The following IMMP2L variants were observed in gnomAD, a reference collection of about 807,000 sequenced individuals.
The protein encoded by IMMP2L is inner mitochondrial membrane peptidase subunit 2, also known as mitochondrial inner membrane protease subunit 2.
IMMP2L carries 18 observed loss-of-function variants against 19.3 expected under a neutral mutation model. The observed-to-expected ratio is 0.93, with a 90% confidence interval of 0.64 to 1.38. The LOEUF (loss-of-function observed/expected upper bound fraction) is 1.38. IMMP2L is among the 40% of genes most tolerant of loss of function. The pLI is 0.00. For synonymous variants in IMMP2L, 76 were observed against 73.0 expected (o/e 1.04, Z -0.21); for missense variants, 233 against 218.2 (o/e 1.07, Z -0.43).
At chr7:111,238,872 T>C (rs1288121763) in intron 3 of IMMP2L, among the ~76,000 whole-genome samples, 1 of 151,962 alleles carries the variant, frequency 6.6e-6, no homozygotes, top group African/African-American at 2.4e-5. Context: ...CATTATATCC[T>C]CTGAACCCTA....
chr7:110,878,675 T>C (rs1296612728), intron 5 of IMMP2L, among the ~76,000 whole-genome samples: 2 of 152,082 alleles, frequency 1.3e-5, no homozygotes, highest in Non-Finnish European at 2.9e-5. Context: ...AACATAGTGA[T>C]TGCTGAAATG....
chr7:110,738,448 C>T (rs757978655), intron 5 of IMMP2L, among the ~76,000 whole-genome samples: 4 of 152,106 alleles, frequency 2.6e-5, no homozygotes, highest in Non-Finnish European at 5.9e-5. Flanking sequence ...TCTCATCCAT[C>T]AAACAAGCAG....
chr7:111,340,181 C>T (rs1826871220), intron 3 of IMMP2L, among the ~76,000 whole-genome samples: 2 of 151,876 alleles, frequency 1.3e-5, no homozygotes, highest in South Asian at 4.1e-4. Flanking sequence ...ATACACAGTG[C>T]AAAAAGAATC....
chr7:110,736,536 G>A (rs529963013), intron 5 of IMMP2L, among the ~76,000 whole-genome samples: 2 of 152,288 alleles, frequency 1.3e-5, no homozygotes, highest in South Asian at 2.1e-4. Context: ...GCAAAGCTAG[G>A]GGGCAGGACT....
intron 4 of IMMP2L, among the ~76,000 whole-genome samples, chr7:110,940,075 T>C (rs568508447): frequency 6.6e-6 from 1 of 152,130 alleles, no homozygotes; most frequent in South Asian, 2.1e-4. Flanking sequence ...TCCCAGCACT[T>C]TGGGAGGCCG....
chr7:111,093,285 A>T (rs921412492), intron 3 of IMMP2L, among the ~76,000 whole-genome samples: 5 of 152,020 alleles, frequency 3.3e-5, no homozygotes, highest in African/African-American at 4.8e-5. Flanking sequence ...TGCAATCTAT[A>T]AAAAAAACCA....
At chr7:111,073,556 AC>A (rs1171369359) in intron 3 of IMMP2L, among the ~76,000 whole-genome samples, 1 of 152,168 alleles carries the variant, frequency 6.6e-6, no homozygotes, top group Non-Finnish European at 1.5e-5. Flanking sequence ...CCTCTTAGAA[AC>A]ATGGCAAACA....
intron 3 of IMMP2L, among the ~76,000 whole-genome samples, chr7:111,019,593 G>A (rs1356153499): frequency 6.6e-6 from 1 of 152,152 alleles, no homozygotes; most frequent in Non-Finnish European, 1.5e-5. Flanking sequence ...TCTTACACAA[G>A]GTCTTCTGTC....
chr7:111,292,519 G>A (rs1821223953), intron 3 of IMMP2L, among the ~76,000 whole-genome samples: 1 of 151,782 alleles, frequency 6.6e-6, no homozygotes, highest in South Asian at 2.1e-4. Flanking sequence ...TTTTTGAAGT[G>A]TAATCCTCTT....
At chr7:111,540,215 G>A (rs1345922988) in intron 1 of IMMP2L, among the ~76,000 whole-genome samples, 1 of 152,090 alleles carries the variant, frequency 6.6e-6, no homozygotes, top group Non-Finnish European at 1.5e-5. Context: ...AACAACAGGG[G>A]CTCCGGGTAA....
At chr7:111,368,906 A>T (rs1206914772) in intron 3 of IMMP2L, among the ~76,000 whole-genome samples, 1 of 151,934 alleles carries the variant, frequency 6.6e-6, no homozygotes, top group Non-Finnish European at 1.5e-5. Flanking sequence ...TGAAGTGTGA[A>T]TTCATTCTGG....
At chr7:110,994,124 ACTCT>A (rs957233249) in intron 3 of IMMP2L, among the ~76,000 whole-genome samples, 13 of 147,758 alleles carry the variant, frequency 8.8e-5, no homozygotes, top group African/African-American at 3.3e-4. Context: ...AGTATTCATT[ACTCT>A]CTCTCTTTTT....
At chr7:111,262,838 A>G (rs1468928218) in intron 3 of IMMP2L, among the ~76,000 whole-genome samples, 1 of 152,114 alleles carries the variant, frequency 6.6e-6, no homozygotes, top group African/African-American at 2.4e-5. Flanking sequence ...GCTGCCCTGG[A>G]TATCCTGGAC....
At chr7:110,818,720 A>T (rs1166617051) in intron 5 of IMMP2L, among the ~76,000 whole-genome samples, 6 of 152,024 alleles carry the variant, frequency 3.9e-5, no homozygotes, top group African/African-American at 1.4e-4. Context: ...CAAATGTCCA[A>T]CAACGATAGA....
intron 3 of IMMP2L, among the ~76,000 whole-genome samples, chr7:111,158,234 C>T (rs1382384296): frequency 3.3e-5 from 5 of 151,538 alleles, no homozygotes; most frequent in African/African-American, 1.2e-4. Context: ...AAATATATTC[C>T]AATATTTTCA....
intron 5 of IMMP2L, among the ~76,000 whole-genome samples, chr7:110,761,577 T>A (rs1184234004): frequency 6.6e-6 from 1 of 152,184 alleles, no homozygotes; most frequent in African/African-American, 2.4e-5. Context: ...AGATTTTAAA[T>A]TTTTATGAAA....
chr7:111,079,565 C>T (rs1745500663), intron 3 of IMMP2L, among the ~76,000 whole-genome samples: 1 of 152,182 alleles, frequency 6.6e-6, no homozygotes, highest in African/African-American at 2.4e-5. Flanking sequence ...TCCCAAATCG[C>T]ACATGAGGTA....
rs1409117563 is a variant in IMMP2L at position 110,818,185 on chromosome 7, A to C, written c.408+68408T>G. On this transcript the variant is annotated intron_variant, in intron 5 of 5. Transcript: ENST00000405709. ...ATCAGAGTGAACAGGCAACCTACAA[A>C]ATGGGAGAAAATTTTCGCAACCTAC... Among the ~76,000 whole-genome samples the C allele has an allele frequency of 7.2e-5, 11 of 152,184 alleles. No individual in the cohort carries two copies. In the East Asian group the frequency reaches 7.7e-4, roughly 11 times the overall value.
chr7:111,486,655 T>C (rs1350935320), intron 3 of IMMP2L, among the ~76,000 whole-genome samples: 1 of 152,212 alleles, frequency 6.6e-6, no homozygotes, highest in South Asian at 2.1e-4. Flanking sequence ...TATATCATTG[T>C]GTCAGTTATA....
Sources: gnomAD v4.1 joint callset for allele counts (sites outside exome capture counted in the v4.1 genomes callset) on GRCh38, gnomAD v4.1.1 for gene constraint, MANE v1.5 for transcripts, NCBI Gene and HGNC (gene_info 2026-07-23, HGNC 2026-07-21) for gene names.